Variants in CBY1 observed in about 807,000 individuals in gnomAD.
CBY1 encodes protein chibby homolog 1.
In CBY1, 10 loss-of-function variants were observed where a neutral mutation model predicts 15.6. The observed-to-expected ratio is 0.64, with a 90% CI of 0.40 to 1.09. The LOEUF is 1.09. CBY1 is among the 50% of genes least tolerant of loss of function. The probability of loss-of-function intolerance (pLI) is 0.01; values close to 1 mark genes in which losing one functional copy is unlikely to be tolerated. For missense variants in CBY1, 150 were observed against 160.5 expected (o/e 0.93, Z 0.35); for synonymous variants, 61 against 63.5 (o/e 0.96, Z 0.19).
intron 4 of CBY1, chr22:38,671,773 T>C (rs1312436001): frequency 6.6e-6 from 1 of 152,358 alleles, no homozygotes; most frequent in Non-Finnish European, 1.5e-5. Context: ...ATGGCCTGGG[T>C]TCCTCACCCA....
chr22:38,666,129 C>T (rs776765177), intron 1 of CBY1, among the ~76,000 whole-genome samples: 16 of 151,350 alleles, frequency 1.1e-4, no homozygotes, highest in East Asian at 1.9e-4. Context: ...TAAACCACCA[C>T]GCCTGGCCCT....
chr22:38,665,256 A>G (rs1430837862), intron 1 of CBY1, among the ~76,000 whole-genome samples: 1 of 152,100 alleles, frequency 6.6e-6, no homozygotes, highest in Non-Finnish European at 1.5e-5. Flanking sequence ...TGAGCCCAAG[A>G]GTTCAAGACC....
At chr22:38,663,697 CAAAAAAAA>C (rs35974746) in intron 1 of CBY1, among the ~76,000 whole-genome samples, 1 of 76,458 alleles carries the variant, frequency 1.3e-5, no homozygotes, top group Non-Finnish European at 2.6e-5. Context: ...ACTCTGTCTC[CAAAAAAAA>C]AAAAAAAAAA....
At chr22:38,670,405 A>AAAAAG (rs1250720388) in intron 2 of CBY1, 2 of 153,322 alleles carry the variant, frequency 1.3e-5, no homozygotes, top group Non-Finnish European at 2.9e-5. Flanking sequence ...AAAAAAAAAA[A>AAAAAG]AAAAGAAAAG....
chr22:38,661,304 G>T (rs561923435), intron 1 of CBY1, among the ~76,000 whole-genome samples: 40 of 152,348 alleles, frequency 2.6e-4, no homozygotes, highest in African/African-American at 9.4e-4. Flanking sequence ...CTCCCAGGCA[G>T]TTGGGATTAC....
intron 1 of CBY1, among the ~76,000 whole-genome samples, chr22:38,662,095 A>G (rs1245709120): frequency 1.3e-5 from 2 of 152,108 alleles, no homozygotes; most frequent in African/African-American, 4.8e-5. Context: ...TGAGCTCAGG[A>G]GTTCGTGACC....
At chr22:38,665,588 C>G (rs146585070) in intron 1 of CBY1, 1 of 447,128 alleles carries the variant, frequency 2.2e-6, no homozygotes, top group East Asian at 3.5e-5. Context: ...TAACTACACA[C>G]AGCTGCATGG....
chr22:38,668,456 C>T, intron 2 of CBY1: 1 of 188,314 alleles, frequency 5.3e-6, no homozygotes, highest in Non-Finnish European at 1.1e-5. Context: ...CTGCAACCTC[C>T]ACCTCCCGGG....
intron 1 of CBY1, chr22:38,667,711 C>T (rs1186437965): frequency 1.1e-5 from 3 of 277,542 alleles, no homozygotes; most frequent in East Asian, 8.4e-5. Context: ...TGAGCAAGTG[C>T]ATGAGACAGA....
intron 1 of CBY1, among the ~76,000 whole-genome samples, chr22:38,663,168 A>G (rs2092426558): frequency 6.6e-6 from 1 of 152,122 alleles, no homozygotes; most frequent in African/African-American, 2.4e-5. Context: ...TATAATTAAG[A>G]ACTTCTGGCT....
At chr22:38,665,979 TA>T (rs1444289250) in intron 1 of CBY1, among the ~76,000 whole-genome samples, 1 of 151,650 alleles carries the variant, frequency 6.6e-6, no homozygotes, top group African/African-American at 2.4e-5. Flanking sequence ...AAATCATAAA[TA>T]AAAAATAAAA....
chr22:38,660,329 G>A (rs2092418550), intron 1 of CBY1, among the ~76,000 whole-genome samples: 1 of 151,596 alleles, frequency 6.6e-6, no homozygotes, highest in African/African-American at 2.4e-5. Flanking sequence ...CGAGTAGCTG[G>A]GATTACAGGC....
intron 1 of CBY1, 144 bp from the exon 2 acceptor site, chr22:38,667,873 A>C (rs2092441474): frequency 1.7e-6 from 1 of 600,452 alleles, no homozygotes; most frequent in East Asian, 2.8e-5. Context: ...TTCAATTTCA[A>C]CATGAGTTTT....
chr22:38,658,244 G>A (rs1196230691), intron 1 of CBY1, among the ~76,000 whole-genome samples: 1 of 151,766 alleles, frequency 6.6e-6, no homozygotes, highest in African/African-American at 2.4e-5. Flanking sequence ...TCCTGCCTCA[G>A]CCTCCTGAGT....
In CBY1 at chr22:38,673,358, T is replaced by TG; in HGVS notation, c.*125dup. 1.6e-6 allele frequency: 1 copy of TG among 635,872 alleles called. No homozygotes were observed. The highest frequency in any genetic ancestry group is 2.6e-5 in the Admixed American group (1 of 38,860). 39.4% of individuals were successfully genotyped at this position (635,872 alleles called of 1,614,324 possible). ...TGAGACCCACAGGCACTGGCACCCT[T>TG]GGGTTGGCAATAGAAGGTGACATGG... On this transcript the variant is annotated 3_prime_UTR_variant, in exon 5 of 5. Transcript: ENST00000216029.
intron 2 of CBY1, among the ~76,000 whole-genome samples, chr22:38,669,303 G>T (rs894023508): frequency 1.3e-5 from 2 of 152,122 alleles, no homozygotes; most frequent in African/African-American, 4.8e-5. Context: ...ACCCTGTGCT[G>T]CAGCCGCCCA....
In CBY1 at chr22:38,671,074, A is replaced by G; in HGVS notation, c.189A>G (p.Thr63=). The change falls in exon 4 of 5, where the codon ACA becomes ACG. Residue 63 remains threonine (T), a synonymous_variant. Transcript: ENST00000216029. ...KFENGQWIAE[T]GVSGGVDRRE... ...CTGGTTCTGTCCTTCCTCCAGAGAC[A>G]GGGGTTAGTGGCGGTGTGGACCGGA... 5.0e-6 allele frequency: 8 copies of G among 1,614,092 alleles called. No individual in the cohort carries two copies. The highest frequency in any genetic ancestry group is 5.9e-6 in the Non-Finnish European group (7 of 1,179,894).
intron 1 of CBY1, among the ~76,000 whole-genome samples, chr22:38,663,697 C>CA (rs35974746): frequency 0.083 from 6,299 of 76,016 alleles, 397 homozygotes; most frequent in African/African-American, 0.2. Context: ...ACTCTGTCTC[C>CA]AAAAAAAAAA....
chr22:38,663,717 G>GA (rs899268590), intron 1 of CBY1, among the ~76,000 whole-genome samples: 11 of 140,894 alleles, frequency 7.8e-5, no homozygotes, highest in Admixed American at 2.2e-4. Flanking sequence ...AAAAAAAAAG[G>GA]AAAAAAAAAG....
Sources: allele counts gnomAD v4.1 joint callset (sites outside exome capture counted in the v4.1 genomes callset), GRCh38; gene constraint gnomAD v4.1.1; transcripts MANE v1.5; gene names NCBI Gene and HGNC (gene_info 2026-07-23, HGNC 2026-07-21).